The following EFHB variants were observed in gnomAD, a reference collection of about 807,000 sequenced individuals.
EFHB encodes EF-hand domain family member B.
EFHB carries 91 observed loss-of-function variants against 87.2 expected under a neutral mutation model. That is an observed-to-expected ratio of 1.04 (90% CI 0.88 to 1.24). The LOEUF is 1.24. EFHB is among the 50% of genes most tolerant of loss of function. EFHB has a pLI of 0.00. For synonymous variants in EFHB, 325 were observed against 333.6 expected (o/e 0.97, Z 0.28); for missense variants, 1,084 against 998.8 (o/e 1.09, Z -1.15).
At chr3:19,914,098 C>T (rs1403149839) in intron 5 of EFHB, among the ~76,000 whole-genome samples, 1 of 152,162 alleles carries the variant, frequency 6.6e-6, no homozygotes, top group Non-Finnish European at 1.5e-5. Flanking sequence ...CACGCACCAC[C>T]ATGCCTGACT....
chr3:19,925,099 G>A (rs375170348), intron 1 of EFHB, among the ~76,000 whole-genome samples: 3 of 151,960 alleles, frequency 2.0e-5, no homozygotes, highest in South Asian at 2.1e-4. Flanking sequence ...AAAATTAGCC[G>A]GGCATGCTGG....
intron 12 of EFHB, among the ~76,000 whole-genome samples, chr3:19,880,372 C>G (rs2071643986): frequency 6.6e-6 from 1 of 152,042 alleles, no homozygotes; most frequent in Non-Finnish European, 1.5e-5. Context: ...GCCTCAGCCT[C>G]CTGAGTAGCT....
chr3:19,921,835 C>T (rs1450132602), intron 1 of EFHB, among the ~76,000 whole-genome samples: 1 of 152,026 alleles, frequency 6.6e-6, no homozygotes, highest in Non-Finnish European at 1.5e-5. Flanking sequence ...TATTGTCTCT[C>T]TCTATACTTA....
At chr3:19,938,792 C>A (rs1423577609), upstream of EFHB, among the ~76,000 whole-genome samples, 3 of 152,176 alleles carry the variant, frequency 2.0e-5, no homozygotes, top group Non-Finnish European at 4.4e-5. Context: ...CCAGTCTCTG[C>A]CAACCTCTTC....
chr3:19,894,989 A>AAAATAT (rs369564576), intron 9 of EFHB: 39 of 144,516 alleles, frequency 2.7e-4, no homozygotes, highest in African/African-American at 1.0e-3. Context: ...TGTCTCAAAA[A>AAAATAT]ATATATATAT....
At chr3:19,930,941 TG>T (rs1286316714) in intron 1 of EFHB, among the ~76,000 whole-genome samples, 1 of 152,094 alleles carries the variant, frequency 6.6e-6, no homozygotes, top group Non-Finnish European at 1.5e-5. Flanking sequence ...GGGACCAGCC[TG>T]GCCAACATGG....
chr3:19,915,423 G>T lies in EFHB; in HGVS notation c.1178-10C>A. ...TCTTTAGCAGAGTATTCTGAAGGAA[G>T]AATTAATAAAATCAGTTCCAAGTCA... On this transcript the variant is annotated splice_polypyrimidine_tract_variant and intron_variant, in intron 4 of 12. Coordinates refer to ENST00000295824, the MANE Select transcript of EFHB (RefSeq NM_144715.4). 6 of 1,568,956 alleles carry T rather than the reference G, an allele frequency of 3.8e-6. No homozygotes were observed. Among genetic ancestry groups the T allele is most frequent in the Non-Finnish European group, 5.2e-6 (6 of 1,145,368 alleles).
Position 19,933,569 on chromosome 3 carries a change from G to A in EFHB, c.450C>T (p.Gly150=). 1 of 1,613,922 alleles carries A rather than the reference G, an allele frequency of 6.2e-7. No individual in the cohort carries two copies. Among genetic ancestry groups the A allele is most frequent in the Non-Finnish European group, 8.5e-7 (1 of 1,179,866 alleles). The change falls in exon 1 of 13, where the codon GGC becomes GGT. Residue 150 remains glycine, a synonymous_variant. Transcript: ENST00000295824. ...CCACTAATTCCTCTACCCCTTCAGG[G>A]CCACTAGCCAAAGGAGCTCTCCTGC... The part of the protein sequence containing the change: ...AGSRRAPLAS[G]PEGVEELVGK...
intron 1 of EFHB, among the ~76,000 whole-genome samples, chr3:19,930,761 C>T (rs1443328366): frequency 6.6e-6 from 1 of 152,150 alleles, no homozygotes; most frequent in Non-Finnish European, 1.5e-5. Context: ...TACTACCACA[C>T]CTGGCTAATT....
intron 8 of EFHB, among the ~76,000 whole-genome samples, chr3:19,897,356 GCCACCACCAGCACTAGAGGCCTGCCTC>G (rs1030171658): frequency 1.3e-5 from 2 of 152,130 alleles, no homozygotes; most frequent in Admixed American, 1.3e-4. Context: ...TTCCACTCAT[GCCACCACCAGCACTAGAGGCCTGCCTC>G]CCTTCACGGC....
chr3:19,890,553 A>C (rs977635118), intron 9 of EFHB, among the ~76,000 whole-genome samples: 1 of 152,180 alleles, frequency 6.6e-6, no homozygotes. Flanking sequence ...CTGAATATTT[A>C]ATTGGTATTG....
intron 10 of EFHB, among the ~76,000 whole-genome samples, chr3:19,885,358 C>T (rs1237621398): frequency 1.3e-5 from 2 of 152,088 alleles, no homozygotes; most frequent in African/African-American, 4.8e-5. Flanking sequence ...GGGGAGCATG[C>T]ACTACAACAT....
At chr3:19,904,838 C>T (rs992892625) in intron 6 of EFHB, among the ~76,000 whole-genome samples, 21 of 152,104 alleles carry the variant, frequency 1.4e-4, no homozygotes, top group African/African-American at 2.7e-4. Context: ...GTATTTACAA[C>T]GTTCAAACCA....
chr3:19,892,315 T>A lies in EFHB; in HGVS notation c.1726-3664A>T, dbSNP rs375131740. 3.3e-5 allele frequency among the ~76,000 whole-genome samples: 5 copies of A among 152,228 alleles called. No homozygotes were observed. In the East Asian group the frequency reaches 5.8e-4, roughly 18 times the overall value. On this transcript the variant is annotated intron_variant, in intron 9 of 12. Transcript: ENST00000295824. Reference sequence around the variant, plus strand: ...GCATTGGAATGGCCTTCTCAAAAACTGTCTACTTCTCTCACCAGCTCCTGG... The same window carrying A: ...GCATTGGAATGGCCTTCTCAAAAACAGTCTACTTCTCTCACCAGCTCCTGG...
upstream of EFHB, chr3:19,936,447 C>T: frequency 2.2e-6 from 1 of 445,256 alleles, no homozygotes; most frequent in Non-Finnish European, 4.0e-6. Flanking sequence ...GCCTATAGTC[C>T]TAGCTACTCA....
At chr3:19,939,317 G>A (rs1334762017) in intron 1 of EFHB, among the ~76,000 whole-genome samples, 2 of 149,352 alleles carry the variant, frequency 1.3e-5, no homozygotes, top group Non-Finnish European at 3.0e-5. Context: ...ACTCAACCCA[G>A]GGATTACTTC....
chr3:19,913,264 T>C (rs2125144651), intron 5 of EFHB, among the ~76,000 whole-genome samples: 2 of 152,292 alleles, frequency 1.3e-5, no homozygotes, highest in Admixed American at 1.3e-4. Flanking sequence ...CAAATTACCC[T>C]TATTTGCAGA....
intron 5 of EFHB, among the ~76,000 whole-genome samples, chr3:19,907,607 G>C (rs1176994217): frequency 6.6e-6 from 1 of 152,158 alleles, no homozygotes; most frequent in Non-Finnish European, 1.5e-5. Flanking sequence ...CCTCATATTA[G>C]AAACATTCAA....
rs1051834425 is a variant in EFHB at position 19,885,224 on chromosome 3, A to G, written c.1934-609T>C. Among the ~76,000 whole-genome samples the G allele has an allele frequency of 4.5e-3, 639 of 142,606 alleles. 12 individuals are homozygous for G. The highest frequency in any genetic ancestry group is 0.017 in the African/African-American group (590 of 35,260). The allele number at this position is 142,606 out of a possible 152,430, so 93.6% of individuals were successfully genotyped here. ...AGGAAAACAGTGAGACTTCGTCTCA[A>G]AAAAAAAAAAAAAGCGTATTTTAAT... On this transcript the variant is annotated intron_variant, in intron 10 of 12. Coordinates refer to ENST00000295824, the MANE Select transcript of EFHB (RefSeq NM_144715.4).
Sources: allele counts gnomAD v4.1 joint callset (sites outside exome capture counted in the v4.1 genomes callset), GRCh38; gene constraint gnomAD v4.1.1; transcripts MANE v1.5; gene names NCBI Gene and HGNC (gene_info 2026-07-23, HGNC 2026-07-21).